The following PEMT variants were observed in gnomAD, a reference collection of about 807,000 sequenced individuals.
PEMT encodes the protein phosphatidylethanolamine N-methyltransferase, also known as phospholipid methyltransferase.
In PEMT, 23 loss-of-function variants were observed where a neutral mutation model predicts 27.4. The observed-to-expected ratio is 0.84, with a 90% CI of 0.60 to 1.19. PEMT has a LOEUF of 1.19. PEMT is among the 50% of genes most tolerant of loss of function. The pLI, the probability that PEMT is intolerant of heterozygous loss-of-function variation, is 0.00. For synonymous variants in PEMT, 137 were observed against 139.1 expected (o/e 0.98, Z 0.11); for missense variants, 307 against 310.1 (o/e 0.99, Z 0.07).
In PEMT at chr17:17,583,061, C is replaced by CA. The variant is rs1293433045; in HGVS notation, c.97-6035dup. Among the ~76,000 whole-genome samples, 397 of 101,690 alleles carry CA rather than the reference C, an allele frequency of 3.9e-3. 2 individuals are homozygous for CA. Among genetic ancestry groups the CA allele is most frequent in the South Asian group, 0.02 (67 of 3,310 alleles). 66.7% of individuals were successfully genotyped at this position (101,690 alleles called of 152,430 possible). On this transcript the variant is annotated intron_variant, in intron 1 of 6. Transcript: ENST00000255389. ...TGGATGACAGAGCGAGACTCCATCT[C>CA]AAAAAAAAAAAAAAAGAAGAAGTTT...
intron 4 of PEMT, among the ~76,000 whole-genome samples, chr17:17,509,947 C>T (rs1326840657): frequency 2.0e-5 from 3 of 152,164 alleles, no homozygotes; most frequent in Non-Finnish European, 4.4e-5. Flanking sequence ...TTTATGCAGA[C>T]CCTTCCTCTT....
At chr17:17,590,397 T>A (rs2142771166) in intron 1 of PEMT, among the ~76,000 whole-genome samples, 1 of 152,312 alleles carries the variant, frequency 6.6e-6, no homozygotes, top group Non-Finnish European at 1.5e-5. Flanking sequence ...ACCTTTCGGC[T>A]CTCAGATCCC....
At chr17:17,571,009 T>C (rs1166363234) in intron 2 of PEMT, 2 of 652,818 alleles carry the variant, frequency 3.1e-6, no homozygotes, top group Non-Finnish European at 3.8e-6. Flanking sequence ...CCACAGTGCC[T>C]GGACCCAAGG....
At chr17:17,577,939 C>A (rs1911730655) in intron 1 of PEMT, among the ~76,000 whole-genome samples, 1 of 150,788 alleles carries the variant, frequency 6.6e-6, no homozygotes, top group African/African-American at 2.4e-5. Context: ...ATGGCATGAA[C>A]CTGGGAGGCG....
intron 2 of PEMT, among the ~76,000 whole-genome samples, chr17:17,529,647 G>A (rs1395213198): frequency 6.6e-6 from 1 of 152,170 alleles, no homozygotes; most frequent in African/African-American, 2.4e-5. Flanking sequence ...ACACCCGAGG[G>A]GCCATGGCAC....
chr17:17,575,902 CA>C (rs1307145028), intron 2 of PEMT, among the ~76,000 whole-genome samples: 1 of 152,226 alleles, frequency 6.6e-6, no homozygotes, highest in Non-Finnish European at 1.5e-5. Context: ...AGAAAAATCT[CA>C]AGTCATAAAC....
intron 1 of PEMT, among the ~76,000 whole-genome samples, chr17:17,581,727 A>C (rs58701210): frequency 6.6e-6 from 1 of 152,106 alleles, no homozygotes; most frequent in Non-Finnish European, 1.5e-5. Context: ...CCAGGTCCCA[A>C]TGGCCTCAGG....
intron 2 of PEMT, among the ~76,000 whole-genome samples, chr17:17,568,871 GCACACCT>G (rs1462228363): frequency 6.6e-6 from 1 of 152,112 alleles, no homozygotes; most frequent in Non-Finnish European, 1.5e-5. Context: ...GCCAGGAGAA[GCACACCT>G]CACCTTGCCC....
chr17:17,537,138 G>A (rs1385029984), intron 2 of PEMT, among the ~76,000 whole-genome samples: 1 of 152,216 alleles, frequency 6.6e-6, no homozygotes, highest in South Asian at 2.1e-4. Flanking sequence ...GAGGGTCTCT[G>A]AGCCCTGCTT....
Position 17,509,500 on chromosome 17 carries a change from G to C in PEMT, c.512C>G (p.Pro171Arg), listed in dbSNP as rs1271654153. 3 of 1,613,980 alleles carry C rather than the reference G, an allele frequency of 1.9e-6. No individual in the cohort carries two copies. Among genetic ancestry groups the C allele is most frequent in the Non-Finnish European group, 2.5e-6 (3 of 1,179,888 alleles). ...ILKEARVTVF[P>R]FNILDNPMYW... Reference sequence around the variant, plus strand: ...CATGGGGTTGTCCAGGATGTTGAAGGGGAACACGGTCACTCTCGCCTCCTT... The same window carrying C: ...CATGGGGTTGTCCAGGATGTTGAAGCGGAACACGGTCACTCTCGCCTCCTT... The change falls in exon 5 of 7, where the codon CCC becomes CGC. Residue 171 changes from proline (P) to arginine (R), a missense_variant. Physicochemically the swap from Pro to Arg is moderately radical, Grantham distance 103 (BLOSUM62 -2). Transcript: ENST00000255389.
Position 17,523,143 on chromosome 17 carries a change from G to A in PEMT, c.205-748C>T, listed in dbSNP as rs1013743028. The stretch of plus-strand genomic sequence containing the variant: ...TGGCCCAGCACACTGAGGAAGGAAC[G>A]GAGAGGAGGGGAGGGGGCAAGGAGG... On this transcript the variant is annotated intron_variant, in intron 2 of 6. Coordinates refer to ENST00000255389, the MANE Select transcript of PEMT (RefSeq NM_148172.3). This position sits in a 1 kb window ranked among gnomAD's most constrained non-coding sequence, Gnocchi z 4.8. Among the ~76,000 whole-genome samples, 14 of 152,200 alleles carry A rather than the reference G, an allele frequency of 9.2e-5. No homozygotes were observed. Among genetic ancestry groups the A allele is most frequent in the African/African-American group, 2.7e-4 (11 of 41,442 alleles).
At chr17:17,589,321 G>A (rs1912483196) in intron 1 of PEMT, among the ~76,000 whole-genome samples, 1 of 148,762 alleles carries the variant, frequency 6.7e-6, no homozygotes, top group Non-Finnish European at 1.5e-5. Context: ...TGTACCTGCT[G>A]AAGCAGGCCC....
rs141452853 is a variant in PEMT, at chr17:17,509,980, C to G, written c.467-435G>C. Among the ~76,000 whole-genome samples the G allele has an allele frequency of 4.5e-3, 689 of 152,262 alleles. 9 individuals carry two copies. Among genetic ancestry groups the G allele is most frequent in the Non-Finnish European group, 6.5e-3 (440 of 68,012 alleles). On this transcript the variant is annotated intron_variant, in intron 4 of 6. Transcript: ENST00000255389. Reference sequence around the variant, plus strand: ...CTTCCTGTCCTACCTCCCACTCTTCCTCGCTCTGGTGAGTTCCTCTCCCTC... The same window carrying G: ...CTTCCTGTCCTACCTCCCACTCTTCGTCGCTCTGGTGAGTTCCTCTCCCTC...
intron 1 of PEMT, among the ~76,000 whole-genome samples, chr17:17,584,965 G>C (rs1912166687): frequency 6.6e-6 from 1 of 152,248 alleles, no homozygotes; most frequent in South Asian, 2.1e-4. Context: ...GGCATGGCTA[G>C]ACAGACGCTG....
At chr17:17,552,450 C>T (rs1176826831) in intron 2 of PEMT, among the ~76,000 whole-genome samples, 5 of 152,246 alleles carry the variant, frequency 3.3e-5, no homozygotes. Context: ...GAAACGGCCA[C>T]CACCGTCCCT....
At chr17:17,556,941 A>G (rs533717192) in intron 2 of PEMT, among the ~76,000 whole-genome samples, 2 of 152,282 alleles carry the variant, frequency 1.3e-5, no homozygotes, top group Non-Finnish European at 2.9e-5. Context: ...CAAGCACAGG[A>G]TGCAGAAAAG....
chr17:17,524,247 G>A (rs879652890), intron 2 of PEMT, among the ~76,000 whole-genome samples: 40 of 152,146 alleles, frequency 2.6e-4, no homozygotes, highest in Admixed American at 1.8e-3. Flanking sequence ...AGGAACAATC[G>A]TGCCCAAGTG....
chr17:17,578,399 C>A (rs1176050158), intron 1 of PEMT, among the ~76,000 whole-genome samples: 1 of 151,798 alleles, frequency 6.6e-6, no homozygotes, highest in Non-Finnish European at 1.5e-5. Context: ...CTTGGGAGGC[C>A]AAGGCAAGAG....
At chr17:17,554,237 T>C (rs1909883809) in intron 2 of PEMT, among the ~76,000 whole-genome samples, 1 of 152,146 alleles carries the variant, frequency 6.6e-6, no homozygotes, top group East Asian at 1.9e-4. Context: ...CCCGGCCCCC[T>C]CCCCTCAGCC....
Sources: allele counts gnomAD v4.1 joint callset (sites outside exome capture counted in the v4.1 genomes callset), GRCh38; gene constraint gnomAD v4.1.1; non-coding constraint Gnocchi (gnomAD v3.1); transcripts MANE v1.5; gene names NCBI Gene and HGNC (gene_info 2026-07-23, HGNC 2026-07-21).